PABPC1L: variants seen among roughly 807,000 people sequenced by gnomAD.
The protein encoded by PABPC1L is poly(A) binding protein cytoplasmic 1 like, also known as polyadenylate-binding protein 1-like.
PABPC1L carries 31 observed loss-of-function variants against 66.6 expected under a neutral mutation model. The observed-to-expected ratio is 0.47, with a 90% CI of 0.35 to 0.63. PABPC1L has a LOEUF of 0.63. PABPC1L is among the 20% of genes least tolerant of loss of function. The pLI is 0.00. For synonymous variants in PABPC1L, 348 were observed against 335.1 expected, an observed-to-expected ratio of 1.04 and a Z score of -0.42; for missense variants, 722 against 848.8, an observed-to-expected ratio of 0.85 and a Z score of 1.86.
chr20:44,937,458 C>G lies in PABPC1L; in HGVS notation c.1661-603C>G, dbSNP rs573308360. Among the ~76,000 whole-genome samples the G allele has an allele frequency of 1.6e-3, 250 of 152,120 alleles. 1 individual carries two copies. The highest frequency in any genetic ancestry group is 5.3e-3 in the African/African-American group (218 of 41,504). On this transcript the variant is annotated intron_variant, in intron 12 of 14. Coordinates refer to ENST00000217073, the MANE Select transcript of PABPC1L (RefSeq NM_001372179.1). Reference sequence around the variant, plus strand: ...GAGATGGAGTCTTGCTCTGCTGCCCCGGCTGGAGTGCAGTGGCACGATTTT... The same window carrying G: ...GAGATGGAGTCTTGCTCTGCTGCCCGGGCTGGAGTGCAGTGGCACGATTTT...
chr20:44,923,511 C>A (rs1298420866), intron 6 of PABPC1L, among the ~76,000 whole-genome samples: 1 of 152,062 alleles, frequency 6.6e-6, no homozygotes, highest in African/African-American at 2.4e-5. Flanking sequence ...TACCTGTAAT[C>A]CCAGCTACTT....
At chr20:44,914,636 T>C (rs1238744873) in intron 2 of PABPC1L, among the ~76,000 whole-genome samples, 1 of 152,218 alleles carries the variant, frequency 6.6e-6, no homozygotes, top group African/African-American at 2.4e-5. Flanking sequence ...CTTGAGGAGA[T>C]GTAGTAATGC....
At chr20:44,918,767 A>G (rs1601110086) in intron 3 of PABPC1L, 139 bp from the exon 4 acceptor site, 1 of 985,064 alleles carries the variant, frequency 1.0e-6, no homozygotes, top group South Asian at 1.9e-5. Context: ...GGGATGTTCT[A>G]AGGAGTATTG....
chr20:44,917,536 T>G (rs1175955398), intron 3 of PABPC1L, among the ~76,000 whole-genome samples: 1 of 152,046 alleles, frequency 6.6e-6, no homozygotes, highest in Non-Finnish European at 1.5e-5. Flanking sequence ...TTTCATGAGA[T>G]TTTGGCAGAA....
At position 44,923,142 on chromosome 20, in the gene PABPC1L, T is replaced by C. The variant is rs74942687; in HGVS notation, c.877-1019T>C. On this transcript the variant is annotated intron_variant, in intron 6 of 14. Coordinates refer to ENST00000217073, the MANE Select transcript of PABPC1L (RefSeq NM_001372179.1). Reference sequence around the variant, plus strand: ...AGGTCTGGAAGGAGAAAAGTCAAGGTGCTAGAGGCAGCTGTCACTCAACAG... The same window carrying C: ...AGGTCTGGAAGGAGAAAAGTCAAGGCGCTAGAGGCAGCTGTCACTCAACAG... 8.2e-3 allele frequency among the ~76,000 whole-genome samples: 1,247 copies of C among 152,324 alleles called. 20 individuals carry two copies. Among genetic ancestry groups the C allele is most frequent in the African/African-American group, 0.029 (1,202 of 41,564 alleles).
chr20:44,933,022 C>T, intron 9 of PABPC1L, 35 bp from the exon 10 acceptor site: 2 of 1,454,854 alleles, frequency 1.4e-6, no homozygotes, highest in Non-Finnish European at 1.9e-6. Flanking sequence ...CCACTCCATC[C>T]AACTTTTCTC....
chr20:44,936,739 C>A lies in PABPC1L; in HGVS notation c.1660+9C>A. The A allele has an allele frequency of 6.2e-7, 1 of 1,600,084 alleles. No individual in the cohort carries two copies. The stretch of plus-strand genomic sequence containing the variant: ...GCAAAAGCAGATGATTGGTGAGTGG[C>A]TGGTTCTCCTACTGTGGAGCAAGAA... On this transcript the variant is annotated intron_variant, in intron 12 of 14. Coordinates refer to ENST00000217073, the MANE Select transcript of PABPC1L (RefSeq NM_001372179.1).
intron 7 of PABPC1L, among the ~76,000 whole-genome samples, chr20:44,926,765 C>T (rs569567987): frequency 8.8e-4 from 134 of 151,926 alleles, no homozygotes; most frequent in African/African-American, 3.1e-3. Context: ...CAGGATGGTC[C>T]TGAACTCTTG....
chr20:44,931,354 T>C (rs902990709), intron 8 of PABPC1L, among the ~76,000 whole-genome samples: 1 of 151,654 alleles, frequency 6.6e-6, no homozygotes, highest in Non-Finnish European at 1.5e-5. Context: ...TTTTTTTGTT[T>C]ATTTTAAAGA....
intron 2 of PABPC1L, among the ~76,000 whole-genome samples, chr20:44,914,307 C>T (rs548541487): frequency 8.1e-5 from 12 of 148,642 alleles, no homozygotes; most frequent in Admixed American, 2.7e-4. Context: ...CCCAGGTTCA[C>T]GCCATTCTCC....
intron 5 of PABPC1L, among the ~76,000 whole-genome samples, chr20:44,919,948 T>C (rs1417988457): frequency 6.6e-6 from 1 of 152,202 alleles, no homozygotes; most frequent in Non-Finnish European, 1.5e-5. Context: ...AAATTATCCA[T>C]GTGTAGTTGC....
chr20:44,910,584 G>A (rs932018816), intron 1 of PABPC1L, among the ~76,000 whole-genome samples: 2 of 152,064 alleles, frequency 1.3e-5, no homozygotes, highest in Admixed American at 1.3e-4. Flanking sequence ...CAGGCTTTGT[G>A]GGGGTGGGGG....
rs567080562 is a variant in PABPC1L at position 44,938,025 on chromosome 20, G to C, written c.1661-36G>C. On this transcript the variant is annotated intron_variant, in intron 12 of 14. Transcript: ENST00000217073. Reference sequence around the variant, plus strand: ...CCCTGGGATGCTGGGGTGTGAGCTAGGCCGTGCACAAGCCATTAGAAGGTG... The same window carrying C: ...CCCTGGGATGCTGGGGTGTGAGCTACGCCGTGCACAAGCCATTAGAAGGTG... 1.1e-4 allele frequency: 181 copies of C among 1,613,612 alleles called. 2 individuals are homozygous for C. The South Asian group carries it at 2.0e-3, about 18-fold the overall frequency.
chr20:44,930,761 C>T (rs755880869), intron 8 of PABPC1L, 35 bp downstream of exon 8: 1 of 1,595,336 alleles, frequency 6.3e-7, no homozygotes, highest in African/African-American at 1.3e-5. Context: ...CCGCAGCCTT[C>T]CCCCCTGCCC....
intron 8 of PABPC1L, among the ~76,000 whole-genome samples, chr20:44,931,047 T>TCCTTC (rs1568650031): frequency 9.9e-5 from 1 of 10,098 alleles, no homozygotes. Context: ...TTCCCTCCCT[T>TCCTTC]CCCTTCCCTT....
At chr20:44,923,570 A>C (rs1374668062) in intron 6 of PABPC1L, among the ~76,000 whole-genome samples, 1 of 152,060 alleles carries the variant, frequency 6.6e-6, no homozygotes, top group East Asian at 1.9e-4. Flanking sequence ...CAGAGGTTGC[A>C]CTGAGCCGAG....
At chr20:44,913,567 C>T (rs770422297) in intron 2 of PABPC1L, among the ~76,000 whole-genome samples, 1 of 151,988 alleles carries the variant, frequency 6.6e-6, no homozygotes, top group Non-Finnish European at 1.5e-5. Flanking sequence ...ATTACAGGTG[C>T]GAGCCACCAT....
At chr20:44,926,063 G>T (rs531550886) in intron 7 of PABPC1L, among the ~76,000 whole-genome samples, 1 of 152,268 alleles carries the variant, frequency 6.6e-6, no homozygotes, top group African/African-American at 2.4e-5. Context: ...AGTGATTGTC[G>T]TAATGATTCA....
Position 44,921,613 on chromosome 20 carries a change from G to A in PABPC1L, c.758G>A (p.Gly253Glu). ...CCCCAGGCCGTGGTCCATATGAACG[G>A]GAAGGAGGTGAGCGGGCGGCTGCTG... Reference protein sequence around the residue: ...EAQKAVVHMNGKEVSGRLLYA... With the variant: ...EAQKAVVHMNEKEVSGRLLYA... Residue 253 changes from glycine to glutamate, a missense_variant, in exon 6 of 15, where the codon GGG (glycine) becomes GAG (glutamate). Gly to Glu is a moderately conservative substitution (Grantham distance 98). Transcript: ENST00000217073. 6.2e-7 allele frequency: 1 copy of A among 1,614,066 alleles called. No homozygotes were observed. Among genetic ancestry groups the A allele is most frequent in the Non-Finnish European group, 8.5e-7 (1 of 1,179,992 alleles).
Sources: allele counts gnomAD v4.1 joint callset (sites outside exome capture counted in the v4.1 genomes callset), GRCh38; gene constraint gnomAD v4.1.1; transcripts MANE v1.5; gene names NCBI Gene and HGNC (gene_info 2026-07-23, HGNC 2026-07-21).